Variants in PTPRD observed in about 807,000 individuals in gnomAD.
PTPRD encodes receptor-type tyrosine-protein phosphatase delta.
A neutral mutation model predicts 214.5 loss-of-function variants in PTPRD; 34 were observed. That is an observed-to-expected ratio of 0.16 (90% CI 0.12 to 0.21). The LOEUF is 0.21. PTPRD is among the 10% of genes least tolerant of loss of function. PTPRD has a pLI of 1.00. For synonymous variants in PTPRD, 1,128 were observed against 845.7 expected, an observed-to-expected ratio of 1.33 and a Z score of -5.79; for missense variants, 2,545 against 2,398.7, an observed-to-expected ratio of 1.06 and a Z score of -1.27.
intron 2 of PTPRD, among the ~76,000 whole-genome samples, chr9:10,534,029 G>C (rs968860881): frequency 6.6e-6 from 1 of 151,004 alleles, no homozygotes; most frequent in Admixed American, 6.6e-5. Context: ...AATATTCATA[G>C]TGAAATGTAT....
chr9:9,307,941 A>G (rs1957647973), intron 9 of PTPRD, among the ~76,000 whole-genome samples: 1 of 151,848 alleles, frequency 6.6e-6, no homozygotes, highest in Non-Finnish European at 1.5e-5. Context: ...GCTTGGGATA[A>G]CCCTCCCCAC....
At chr9:8,771,202 C>T (rs2095185466) in intron 11 of PTPRD, among the ~76,000 whole-genome samples, 2 of 147,902 alleles carry the variant, frequency 1.4e-5, no homozygotes, top group African/African-American at 5.2e-5. Flanking sequence ...AGATAGTAGT[C>T]TTTATTCTTT....
At chr9:8,536,346 G>A (rs556031065) in intron 14 of PTPRD, among the ~76,000 whole-genome samples, 5 of 151,794 alleles carry the variant, frequency 3.3e-5, no homozygotes, top group East Asian at 1.9e-4. Flanking sequence ...CAAGTTCCAT[G>A]AGATGTAATA....
At chr9:9,008,648 G>A (rs556618800) in intron 11 of PTPRD, among the ~76,000 whole-genome samples, 1 of 152,236 alleles carries the variant, frequency 6.6e-6, no homozygotes, top group South Asian at 2.1e-4. Flanking sequence ...TGCAAGAAAG[G>A]AAGTGTGAAG....
chr9:9,995,956 A>T (rs1588457853), intron 4 of PTPRD, among the ~76,000 whole-genome samples: 1 of 152,098 alleles, frequency 6.6e-6, no homozygotes, highest in African/African-American at 2.4e-5. Flanking sequence ...TATTTCTACC[A>T]GATCTTAATT....
At chr9:10,098,108 G>C (rs1305920572) in intron 3 of PTPRD, among the ~76,000 whole-genome samples, 1 of 151,730 alleles carries the variant, frequency 6.6e-6, no homozygotes, top group African/African-American at 2.4e-5. Context: ...GTCCAACAAT[G>C]ATAGACTGGA....
intron 30 of PTPRD, among the ~76,000 whole-genome samples, chr9:8,472,867 T>G (rs1248845758): frequency 6.6e-6 from 1 of 152,154 alleles, no homozygotes; most frequent in African/African-American, 2.4e-5. Context: ...TATGTCTGGC[T>G]GGGAGTTTGG....
At chr9:10,433,898 T>C (rs1588107192) in intron 2 of PTPRD, among the ~76,000 whole-genome samples, 1 of 152,024 alleles carries the variant, frequency 6.6e-6, no homozygotes, top group Admixed American at 6.6e-5. Context: ...AATACTGTAT[T>C]TTAAAACATT....
chr9:8,449,783 G>C lies in PTPRD; in HGVS notation c.3930C>G (p.Ile1310Met), dbSNP rs373752314. The C allele has an allele frequency of 1.9e-6, 3 of 1,613,948 alleles. No homozygotes were observed. The highest frequency in any genetic ancestry group is 2.7e-5 in the African/African-American group (2 of 74,892). The change falls in exon 34 of 46, where the codon ATC becomes ATG. Residue 1310 changes from isoleucine (I) to methionine (M), a missense_variant. By Grantham distance (10) the Ile-to-Met change is conservative (BLOSUM62 1). Coordinates refer to ENST00000381196, the MANE Select transcript of PTPRD (RefSeq NM_002839.4). ...RKSSIPNNKE[I>M]PSHHPTDPVE... ...CAGGGTCTGTTGGGTGGTGTGAAGG[G>C]ATCTCCTTATTGTTCGGTATGCTGC... is the stretch of plus-strand genomic sequence containing the variant.
intron 3 of PTPRD, among the ~76,000 whole-genome samples, chr9:10,277,049 C>T (rs189755813): frequency 5.3e-4 from 81 of 152,280 alleles, no homozygotes; most frequent in African/African-American, 1.8e-3. Context: ...TAGCAGAGGG[C>T]TACCCCTCCA....
intron 3 of PTPRD, among the ~76,000 whole-genome samples, chr9:10,256,019 C>A (rs2093240895): frequency 6.6e-6 from 1 of 152,152 alleles, no homozygotes; most frequent in Non-Finnish European, 1.5e-5. Context: ...AGTTCAGCAG[C>A]AGCATTAGAT....
intron 6 of PTPRD, among the ~76,000 whole-genome samples, chr9:9,762,941 G>A (rs888531031): frequency 2.6e-5 from 4 of 152,142 alleles, no homozygotes; most frequent in Admixed American, 2.6e-4. Context: ...GTGACAACAA[G>A]GTAGATTTTA....
rs139387526 is a variant in PTPRD at position 10,255,670 on chromosome 9, T to A, written c.-545+85293A>T. Among the ~76,000 whole-genome samples the A allele has an allele frequency of 3.2e-3, 487 of 152,342 alleles. 10 individuals are homozygous for A. Among genetic ancestry groups the A allele is most frequent in the Admixed American group, 0.025 (383 of 15,306 alleles). The stretch of plus-strand genomic sequence containing the variant: ...ACTTAGCTTACTATAACTTTTTGAC[T>A]TTATAAACTTTTAAGTTTTTTAAAC... On this transcript the variant is annotated intron_variant, in intron 3 of 45. Transcript: ENST00000381196.
At chr9:10,452,877 T>C (rs545043852) in intron 2 of PTPRD, among the ~76,000 whole-genome samples, 72 of 151,742 alleles carry the variant, frequency 4.7e-4, no homozygotes, top group Non-Finnish European at 8.1e-4. Flanking sequence ...GTTTTTGGAA[T>C]CAGATCCAAG....
At chr9:8,856,355 G>C (rs1016566071) in intron 11 of PTPRD, among the ~76,000 whole-genome samples, 1 of 152,114 alleles carries the variant, frequency 6.6e-6, no homozygotes, top group Non-Finnish European at 1.5e-5. Flanking sequence ...GTTGAACTAA[G>C]TCCCCAGAGA....
At chr9:9,951,259 G>A (rs1243574790) in intron 4 of PTPRD, among the ~76,000 whole-genome samples, 2 of 152,146 alleles carry the variant, frequency 1.3e-5, no homozygotes, top group African/African-American at 2.4e-5. Context: ...TCCAATCTAA[G>A]GCAAGCTATA....
intron 5 of PTPRD, among the ~76,000 whole-genome samples, chr9:9,874,914 C>G (rs1177019988): frequency 6.6e-6 from 1 of 152,026 alleles, no homozygotes; most frequent in Admixed American, 6.6e-5. Context: ...AGGATAAAAT[C>G]TTATGATTCC....
chr9:9,158,143 C>G (rs899156547), intron 10 of PTPRD, among the ~76,000 whole-genome samples: 1 of 152,196 alleles, frequency 6.6e-6, no homozygotes, highest in East Asian at 1.9e-4. Flanking sequence ...GTTGATTCCA[C>G]GACTTTGCTG....
intron 6 of PTPRD, among the ~76,000 whole-genome samples, chr9:9,740,552 G>C (rs1046013189): frequency 1.3e-5 from 2 of 151,872 alleles, no homozygotes; most frequent in African/African-American, 2.4e-5. Flanking sequence ...TAGTAGAGAC[G>C]GGGTTTCACC....
Sources: gnomAD v4.1 joint callset for allele counts (sites outside exome capture counted in the v4.1 genomes callset) on GRCh38, gnomAD v4.1.1 for gene constraint, MANE v1.5 for transcripts, NCBI Gene and HGNC (gene_info 2026-07-23, HGNC 2026-07-21) for gene names.